Variants in WDR7 observed in about 807,000 individuals in gnomAD.
The protein encoded by WDR7 is WD repeat-containing protein 7.
In WDR7, 46 loss-of-function variants were observed where a neutral mutation model predicts 169.4. The observed-to-expected ratio is 0.27, with a 90% confidence interval of 0.21 to 0.35. WDR7 has a LOEUF of 0.35. Ranked by LOEUF, WDR7 falls within the 10% of genes least tolerant of loss-of-function variation. WDR7 has a pLI of 1.00. For missense variants in WDR7, 1,534 were observed against 1,859.3 expected (o/e 0.83, Z 3.22); for synonymous variants, 612 against 666.8 (o/e 0.92, Z 1.27).
At chr18:56,773,788 T>G (rs1166728816) in intron 16 of WDR7, among the ~76,000 whole-genome samples, 1 of 152,134 alleles carries the variant, frequency 6.6e-6, no homozygotes, top group South Asian at 2.1e-4. Flanking sequence ...TGCTCTATAA[T>G]ATCTGGACTA....
At chr18:56,700,380 C>G (rs1598971854) in intron 12 of WDR7, among the ~76,000 whole-genome samples, 2 of 149,688 alleles carry the variant, frequency 1.3e-5, no homozygotes, top group South Asian at 2.1e-4. Flanking sequence ...CCTCAGTCAC[C>G]CATGTAGCTG....
chr18:57,021,254 G>A (rs1399175687), intron 27 of WDR7, among the ~76,000 whole-genome samples: 2 of 152,136 alleles, frequency 1.3e-5, no homozygotes, highest in Non-Finnish European at 2.9e-5. Context: ...TAAGAAGGGG[G>A]CACAGGTGCA....
At chr18:56,852,866 A>G (rs1377840522) in intron 20 of WDR7, among the ~76,000 whole-genome samples, 1 of 152,188 alleles carries the variant, frequency 6.6e-6, no homozygotes, top group Non-Finnish European at 1.5e-5. Context: ...TAGGTACTTC[A>G]GCATGTTTTA....
chr18:56,740,178 A>G (rs1249555128), intron 14 of WDR7, among the ~76,000 whole-genome samples: 1 of 151,800 alleles, frequency 6.6e-6, no homozygotes, highest in Non-Finnish European at 1.5e-5. Context: ...CTGTTTTTCC[A>G]CAAACTCCTT....
intron 21 of WDR7, among the ~76,000 whole-genome samples, chr18:56,892,944 A>G (rs1184106335): frequency 3.9e-5 from 6 of 152,110 alleles, no homozygotes; most frequent in Non-Finnish European, 8.8e-5. Flanking sequence ...TATACAACAT[A>G]CAATATTTAT....
intron 6 of WDR7, 81 bp downstream of exon 6, chr18:56,686,113 T>C: frequency 1.8e-6 from 2 of 1,111,770 alleles, no homozygotes; most frequent in Admixed American, 2.8e-5. Context: ...GCCCCTTCCA[T>C]TTTTTTTAAG....
At chr18:56,747,940 C>T (rs2043731260) in intron 14 of WDR7, among the ~76,000 whole-genome samples, 1 of 151,400 alleles carries the variant, frequency 6.6e-6, no homozygotes, top group Non-Finnish European at 1.5e-5. Context: ...TCAGTCTTAT[C>T]CTTGTTCTTA....
chr18:56,835,319 A>G (rs1207438170), intron 20 of WDR7, among the ~76,000 whole-genome samples: 1 of 152,208 alleles, frequency 6.6e-6, no homozygotes, highest in Non-Finnish European at 1.5e-5. Flanking sequence ...ACTCTAATAG[A>G]TTTCTTCAGA....
rs190355633 is a variant in WDR7 at position 56,656,348 on chromosome 18, T to C, written c.-20+4772T>C. Among the ~76,000 whole-genome samples, 111 of 151,322 alleles carry C rather than the reference T, an allele frequency of 7.3e-4. 1 individual carries two copies. In the East Asian group the frequency reaches 9.0e-3, roughly 12 times the overall value. On this transcript the variant is annotated intron_variant, in intron 1 of 27. Coordinates refer to ENST00000254442, the MANE Select transcript of WDR7 (RefSeq NM_015285.3). ...AGGCTGGAGTGCAGTGGCGCAATCT[T>C]GGCTCAGTGCAACCTCCGCCTCCCA...
intron 19 of WDR7, among the ~76,000 whole-genome samples, chr18:56,795,376 C>T (rs145088921): frequency 6.6e-5 from 10 of 152,272 alleles, no homozygotes; most frequent in African/African-American, 1.7e-4. Flanking sequence ...GCTAGATATG[C>T]GTCTTGCTGT....
intron 19 of WDR7, among the ~76,000 whole-genome samples, chr18:56,788,320 G>C (rs1385284077): frequency 6.6e-6 from 1 of 152,066 alleles, no homozygotes; most frequent in Non-Finnish European, 1.5e-5. Flanking sequence ...TTATATAGTA[G>C]TTTTTACTAA....
intron 22 of WDR7, among the ~76,000 whole-genome samples, chr18:56,935,294 A>G (rs2046942488): frequency 1.3e-5 from 2 of 152,222 alleles, no homozygotes; most frequent in South Asian, 4.1e-4. Context: ...GATATTTCAA[A>G]TGAAAAATAA....
chr18:56,951,415 T>C (rs1347520087), intron 25 of WDR7, among the ~76,000 whole-genome samples: 1 of 152,136 alleles, frequency 6.6e-6, no homozygotes, highest in Non-Finnish European at 1.5e-5. Context: ...TCACCTTTGT[T>C]ACCTTGGCTT....
At chr18:56,845,933 A>T (rs1379802592) in intron 20 of WDR7, among the ~76,000 whole-genome samples, 2 of 152,210 alleles carry the variant, frequency 1.3e-5, no homozygotes, top group Non-Finnish European at 2.9e-5. Flanking sequence ...ATTAAATAAG[A>T]TTATGTATTT....
At chr18:56,755,020 A>T (rs1309082612) in intron 14 of WDR7, among the ~76,000 whole-genome samples, 1 of 152,174 alleles carries the variant, frequency 6.6e-6, no homozygotes, top group Non-Finnish European at 1.5e-5. Flanking sequence ...TATTTACTTG[A>T]CAACCAATTT....
intron 19 of WDR7, among the ~76,000 whole-genome samples, chr18:56,812,056 A>G (rs1288116891): frequency 6.6e-6 from 1 of 152,010 alleles, no homozygotes; most frequent in African/African-American, 2.4e-5. Context: ...ATTTGTGGAG[A>G]TTTGGCGTCT....
chr18:56,930,549 C>T (rs1012484663), intron 22 of WDR7, among the ~76,000 whole-genome samples: 7 of 152,120 alleles, frequency 4.6e-5, no homozygotes, highest in Admixed American at 3.9e-4. Context: ...GGAGGAATTG[C>T]CACCTTTGGG....
intron 12 of WDR7, among the ~76,000 whole-genome samples, chr18:56,716,425 TAA>T (rs1172869831): frequency 6.6e-6 from 1 of 152,158 alleles, no homozygotes; most frequent in Non-Finnish European, 1.5e-5. Context: ...TAACAAAGAA[TAA>T]AAATAAAACA....
At chr18:56,938,808 A>AGT (rs71171007) in intron 24 of WDR7, 126 bp downstream of exon 24, 47,140 of 651,314 alleles carry the variant, frequency 0.072, 1,087 homozygotes, top group East Asian at 0.33. Context: ...AGAAAGAATG[A>AGT]GTGTGTGTGT....
Sources: gnomAD v4.1 joint callset for allele counts (sites outside exome capture counted in the v4.1 genomes callset) on GRCh38, gnomAD v4.1.1 for gene constraint, MANE v1.5 for transcripts, NCBI Gene and HGNC (gene_info 2026-07-23, HGNC 2026-07-21) for gene names.